The following RAB11FIP4 variants were observed in gnomAD, a reference collection of about 807,000 sequenced individuals.
RAB11FIP4 encodes the protein rab11 family-interacting protein 4.
In RAB11FIP4, 23 loss-of-function variants were observed where a neutral mutation model predicts 74.3. The ratio of observed to expected loss-of-function variants is 0.31; its 90% confidence interval spans 0.22 to 0.44. RAB11FIP4 has a LOEUF of 0.44. Ranked by LOEUF, RAB11FIP4 falls within the 20% of genes least tolerant of loss-of-function variation. The pLI is 1.00. For synonymous variants in RAB11FIP4, 360 were observed against 359.9 expected, an observed-to-expected ratio of 1.00 and a Z score of 0.00; for missense variants, 630 against 863.9, an observed-to-expected ratio of 0.73 and a Z score of 3.39.
intron 3 of RAB11FIP4, among the ~76,000 whole-genome samples, chr17:31,483,905 C>T (rs561591892): frequency 2.0e-5 from 3 of 151,898 alleles, no homozygotes; most frequent in South Asian, 2.1e-4. Context: ...ATGGTGGCAG[C>T]GAAAGAAAAT....
At chr17:31,496,494 T>A (rs1446213340) in intron 3 of RAB11FIP4, among the ~76,000 whole-genome samples, 1 of 152,248 alleles carries the variant, frequency 6.6e-6, no homozygotes, top group African/African-American at 2.4e-5. Context: ...TCCAAGGGCT[T>A]CTTGACTCAG....
chr17:31,405,881 T>TC (rs1428535007), intron 1 of RAB11FIP4, among the ~76,000 whole-genome samples: 1 of 152,114 alleles, frequency 6.6e-6, no homozygotes, highest in Non-Finnish European at 1.5e-5. Context: ...TCGAGGTGTT[T>TC]ACTGTGCCTG....
rs548749872 is a variant in RAB11FIP4, at chr17:31,522,119, G to T, written c.893+70G>T. On this transcript the variant is annotated intron_variant, in intron 6 of 14. Transcript: ENST00000621161. ...GGCAGGGCCTGGAGGGAGAAGCTAC[G>T]GGCATGGCGAGGCGACCCCTGCTGT... 2.1e-5 allele frequency: 34 copies of T among 1,594,422 alleles called. No homozygotes were observed. In the Middle Eastern group the frequency reaches 2.5e-3, roughly 117 times the overall value.
rs2072883143 is a variant in RAB11FIP4 at position 31,532,163 on chromosome 17, T to C, written c.*431T>C. On this transcript the variant is annotated 3_prime_UTR_variant, in exon 15 of 15. Coordinates refer to ENST00000621161, the MANE Select transcript of RAB11FIP4 (RefSeq NM_032932.6). Reference sequence around the variant, plus strand: ...AGTCCCCTTGGGAGTGGGAGCAAAATTGTGATCTTTCCTAGGAGTTTGAAT... The same window carrying C: ...AGTCCCCTTGGGAGTGGGAGCAAAACTGTGATCTTTCCTAGGAGTTTGAAT... 1 of 162,188 alleles carries C rather than the reference T, an allele frequency of 6.2e-6. No individual in the cohort carries two copies. The highest frequency in any genetic ancestry group is 1.4e-5 in the Non-Finnish European group (1 of 73,314). 10.0% of individuals were successfully genotyped at this position (162,188 alleles called of 1,614,324 possible).
rs376442751 is a variant in RAB11FIP4, at chr17:31,499,751, C to CATGG, written c.337-17900_337-17899insATGG. On this transcript the variant is annotated intron_variant, in intron 3 of 14. Coordinates refer to ENST00000621161, the MANE Select transcript of RAB11FIP4 (RefSeq NM_032932.6). ...GCAGACTGGCCACATGGTAGGCGCC[C>CATGG]TAGTATGTCAACTTTGTTCTCTTTC... Among the ~76,000 whole-genome samples the CATGG allele has an allele frequency of 6.8e-3, 1,028 of 152,240 alleles. 12 individuals are homozygous for CATGG. Among genetic ancestry groups the CATGG allele is most frequent in the African/African-American group, 0.023 (971 of 41,530 alleles).
At chr17:31,486,900 C>T (rs2071909284) in intron 3 of RAB11FIP4, among the ~76,000 whole-genome samples, 1 of 152,184 alleles carries the variant, frequency 6.6e-6, no homozygotes, top group African/African-American at 2.4e-5. Flanking sequence ...AATTTACTGG[C>T]AGGAGAGACT....
At chr17:31,412,053 G>C (rs754194095) in intron 1 of RAB11FIP4, among the ~76,000 whole-genome samples, 1 of 152,216 alleles carries the variant, frequency 6.6e-6, no homozygotes, top group Admixed American at 6.5e-5. Flanking sequence ...CACCTGGGGA[G>C]CAGCTTGGTC....
In RAB11FIP4 at chr17:31,445,576, ATATTTTTTTTTTTTTTT is replaced by A. The variant is rs2071454021; in HGVS notation, c.336+11456_336+11472del. 4.0e-4 allele frequency among the ~76,000 whole-genome samples: 4 copies of A among 10,022 alleles called. No individual in the cohort carries two copies. The Admixed American group carries it at 5.6e-3, about 14-fold the overall frequency. 6.6% of individuals were successfully genotyped at this position (10,022 alleles called of 152,430 possible). A position where few individuals can be genotyped will look rare whatever the true frequency, so the allele number is the denominator to read the frequency against. On this transcript the variant is annotated intron_variant, in intron 3 of 14. Coordinates refer to ENST00000621161, the MANE Select transcript of RAB11FIP4 (RefSeq NM_032932.6). ...TATATATATATATATATATATATAT[ATATTTTTTTTTTTTTTT>A]TTTTTTTTTTGACACGGAGTCTTGC...
chr17:31,443,097 A>C (rs1316464042), intron 3 of RAB11FIP4, among the ~76,000 whole-genome samples: 1 of 152,220 alleles, frequency 6.6e-6, no homozygotes, highest in Non-Finnish European at 1.5e-5. Flanking sequence ...GAGTTTTCAG[A>C]TCCTTTAAAT....
In RAB11FIP4 at chr17:31,486,633, G is replaced by A. The variant is rs556834160; in HGVS notation, c.337-31018G>A. Among the ~76,000 whole-genome samples the A allele has an allele frequency of 2.0e-5, 3 of 152,308 alleles. No homozygotes were observed. The South Asian group carries it at 6.2e-4, about 32-fold the overall frequency. ...TGCTCCTGTGTGTTAGAGACTGTGG[G>A]AGCGGACCCAAACAAGAGAAACAGT... On this transcript the variant is annotated intron_variant, in intron 3 of 14. Coordinates refer to ENST00000621161, the MANE Select transcript of RAB11FIP4 (RefSeq NM_032932.6).
At chr17:31,502,472 G>C (rs1298942151) in intron 3 of RAB11FIP4, among the ~76,000 whole-genome samples, 33 of 152,136 alleles carry the variant, frequency 2.2e-4, no homozygotes, top group Non-Finnish European at 1.2e-4. Flanking sequence ...CCAGCTACTT[G>C]GGAGGCTGAG....
At position 31,535,396 on chromosome 17, in the gene RAB11FIP4, G is replaced by A. The variant is rs1251142923; in HGVS notation, c.*3664G>A. The A allele has an allele frequency of 6.6e-6, 1 of 152,204 alleles. No individual in the cohort carries two copies. Among genetic ancestry groups the A allele is most frequent in the Non-Finnish European group, 1.5e-5 (1 of 68,056 alleles). 9.4% of individuals were successfully genotyped at this position (152,204 alleles called of 1,614,324 possible). ...TCTGGGCTGAACCCCCAGAGGTTCG[G>A]ATTGAATTGGTGTGGGGTGTGGTCC... On this transcript the variant is annotated 3_prime_UTR_variant, in exon 15 of 15. Coordinates refer to ENST00000621161, the MANE Select transcript of RAB11FIP4 (RefSeq NM_032932.6).
intron 3 of RAB11FIP4, chr17:31,487,957 T>TCCGCCC (rs971716865): frequency 5.9e-5 from 45 of 764,070 alleles, no homozygotes; most frequent in East Asian, 1.2e-4. Context: ...GTCCCTGTCC[T>TCCGCCC]CCGCCCCCGC....
At chr17:31,429,299 G>A (rs1481546768) in intron 1 of RAB11FIP4, among the ~76,000 whole-genome samples, 1 of 152,120 alleles carries the variant, frequency 6.6e-6, no homozygotes, top group African/African-American at 2.4e-5. Context: ...AGAAACTAAG[G>A]CTAAGGCTTT....
chr17:31,430,564 T>G (rs2151627336), intron 1 of RAB11FIP4, among the ~76,000 whole-genome samples: 1 of 152,086 alleles, frequency 6.6e-6, no homozygotes, highest in South Asian at 2.1e-4. Context: ...TTTCACCATG[T>G]TAGCCAGGAT....
At chr17:31,392,128 C>A in intron 1 of RAB11FIP4, 117 bp downstream of exon 1, 1 of 764,574 alleles carries the variant, frequency 1.3e-6, no homozygotes, top group Non-Finnish European at 1.7e-6. Context: ...CCCTCCCAAT[C>A]CCCTCCCTCC....
intron 11 of RAB11FIP4, 70 bp from the exon 12 acceptor site, chr17:31,528,335 AG>A: frequency 6.5e-7 from 1 of 1,533,950 alleles, no homozygotes. Context: ...ACCAGACCCC[AG>A]GGACACCCCT....
At chr17:31,520,154 A>G (rs915249480) in intron 4 of RAB11FIP4, among the ~76,000 whole-genome samples, 6 of 152,220 alleles carry the variant, frequency 3.9e-5, no homozygotes, top group Middle Eastern at 3.4e-3. Flanking sequence ...AACTATTTAC[A>G]TAGCATTTAC....
intron 1 of RAB11FIP4, among the ~76,000 whole-genome samples, chr17:31,415,272 G>T (rs1384403840): frequency 2.6e-5 from 4 of 152,230 alleles, no homozygotes; most frequent in Non-Finnish European, 5.9e-5. Context: ...CCCAGGGGGC[G>T]CTCTACGTGG....
Sources: allele counts gnomAD v4.1 joint callset (sites outside exome capture counted in the v4.1 genomes callset), GRCh38; gene constraint gnomAD v4.1.1; transcripts MANE v1.5; gene names NCBI Gene and HGNC (gene_info 2026-07-23, HGNC 2026-07-21).